GPC5: variants seen among roughly 807,000 people sequenced by gnomAD.
The protein encoded by GPC5 is glypican-5.
Under a neutral mutation model 53.9 loss-of-function variants are expected in GPC5, and 47 were observed. That is an observed-to-expected ratio of 0.87 (90% CI 0.69 to 1.11). The LOEUF (loss-of-function observed/expected upper bound fraction) is 1.11, where lower values mean the gene tolerates loss of function less well. GPC5 is among the 50% of genes most tolerant of loss of function. The probability of loss-of-function intolerance (pLI) is 0.00; values close to 1 mark genes in which losing one functional copy is unlikely to be tolerated. For missense variants in GPC5, 748 were observed against 713.1 expected (o/e 1.05, Z -0.56); for synonymous variants, 286 against 263.3 (o/e 1.09, Z -0.84).
At chr13:91,839,601 T>G (rs2038761523) in intron 5 of GPC5, among the ~76,000 whole-genome samples, 1 of 152,102 alleles carries the variant, frequency 6.6e-6, no homozygotes, top group African/African-American at 2.4e-5. Flanking sequence ...TTCCTGACTA[T>G]AGAGAAAATA....
chr13:92,223,661 T>C (rs1407554279), intron 7 of GPC5, among the ~76,000 whole-genome samples: 1 of 152,124 alleles, frequency 6.6e-6, no homozygotes, highest in Non-Finnish European at 1.5e-5. Flanking sequence ...CTTAGTATAA[T>C]TATGACTCAG....
rs74871167 is a variant in GPC5, at chr13:92,706,998, A to G, written c.1562-159284A>G. Among the ~76,000 whole-genome samples, 493 of 152,226 alleles carry G rather than the reference A, an allele frequency of 3.2e-3. 20 individuals carry two copies. In the East Asian group the frequency reaches 0.088, roughly 27 times the overall value. On this transcript the variant is annotated intron_variant, in intron 7 of 7. Transcript: ENST00000377067. ...GTGAGATCTCTTTCTCTGCATGTAC[A>G]CACCAAGGAAAGGCCATGAGAAGGA...
At position 92,236,093 on chromosome 13, in the gene GPC5, A is replaced by G. The variant is rs149537861; in HGVS notation, c.1561+91104A>G. 3.6e-3 allele frequency among the ~76,000 whole-genome samples: 551 copies of G among 152,182 alleles called. 1 individual carries two copies. The highest frequency in any genetic ancestry group is 6.4e-3 in the Non-Finnish European group (432 of 67,922). ...AAGGTAATATTTATTTTAGTTCTGT[A>G]TTATAACAAGCACCAATTTAATAGA... On this transcript the variant is annotated intron_variant, in intron 7 of 7. Coordinates refer to ENST00000377067, the MANE Select transcript of GPC5 (RefSeq NM_004466.6).
At chr13:92,224,437 C>G (rs1325269769) in intron 7 of GPC5, among the ~76,000 whole-genome samples, 1 of 152,120 alleles carries the variant, frequency 6.6e-6, no homozygotes, top group South Asian at 2.1e-4. Context: ...ATTGTACAAA[C>G]GAGAATTAAC....
chr13:92,221,830 T>G (rs1220336942), intron 7 of GPC5, among the ~76,000 whole-genome samples: 2 of 152,012 alleles, frequency 1.3e-5, no homozygotes, highest in African/African-American at 4.8e-5. Flanking sequence ...AACAATTACG[T>G]TCTTGCTAAT....
intron 6 of GPC5, among the ~76,000 whole-genome samples, chr13:92,050,874 G>A (rs866329355): frequency 1.3e-5 from 2 of 152,144 alleles, no homozygotes; most frequent in Non-Finnish European, 2.9e-5. Context: ...TGCACATGCC[G>A]TTTTTCTCTT....
At chr13:91,405,973 C>T (rs1457150334) in intron 1 of GPC5, among the ~76,000 whole-genome samples, 2 of 152,014 alleles carry the variant, frequency 1.3e-5, no homozygotes, top group African/African-American at 4.8e-5. Context: ...GGTTTTGCCA[C>T]CTTGCGCAGG....
chr13:91,484,981 C>G (rs1371404156), intron 2 of GPC5, among the ~76,000 whole-genome samples: 1 of 152,128 alleles, frequency 6.6e-6, no homozygotes, highest in African/African-American at 2.4e-5. Context: ...GTCTACAGAC[C>G]AGTAAGATGT....
intron 6 of GPC5, among the ~76,000 whole-genome samples, chr13:92,023,421 T>C (rs2040775035): frequency 6.6e-6 from 1 of 152,082 alleles, no homozygotes; most frequent in Non-Finnish European, 1.5e-5. Context: ...TAAAAAGTAA[T>C]GGTCAAATTT....
intron 7 of GPC5, among the ~76,000 whole-genome samples, chr13:92,777,654 T>C (rs1468660492): frequency 6.6e-6 from 1 of 152,184 alleles, no homozygotes; most frequent in Non-Finnish European, 1.5e-5. Context: ...AAGTCTTACC[T>C]CAACTTTTCA....
intron 7 of GPC5, among the ~76,000 whole-genome samples, chr13:92,434,843 A>C (rs1877237231): frequency 6.6e-6 from 1 of 152,202 alleles, no homozygotes; most frequent in East Asian, 1.9e-4. Flanking sequence ...TTATCTTTCA[A>C]GGAGACCATC....
At position 91,540,080 on chromosome 13, in the gene GPC5, C is replaced by A. The variant is rs77143019; in HGVS notation, c.325+91158C>A. Among the ~76,000 whole-genome samples, 538 of 152,202 alleles carry A rather than the reference C, an allele frequency of 3.5e-3. 4 individuals carry two copies. Among genetic ancestry groups the A allele is most frequent in the African/African-American group, 0.012 (517 of 41,526 alleles). ...ATTACATCAGGCTGTATAACAGAAA[C>A]CAAGATTATTCTTTGTCCCTTGTTC... On this transcript the variant is annotated intron_variant, in intron 2 of 7. Transcript: ENST00000377067.
At chr13:92,664,220 A>G (rs1886492833) in intron 7 of GPC5, among the ~76,000 whole-genome samples, 1 of 151,930 alleles carries the variant, frequency 6.6e-6, no homozygotes, top group Non-Finnish European at 1.5e-5. Context: ...ATCAAATACC[A>G]TGGTGAGCAC....
intron 7 of GPC5, among the ~76,000 whole-genome samples, chr13:92,492,082 C>G (rs565810540): frequency 1.3e-5 from 2 of 152,194 alleles, no homozygotes; most frequent in South Asian, 2.1e-4. Flanking sequence ...ACCTCAAAAC[C>G]TTTCATTTTA....
At chr13:92,370,065 G>C (rs933681857) in intron 7 of GPC5, among the ~76,000 whole-genome samples, 2 of 152,152 alleles carry the variant, frequency 1.3e-5, no homozygotes, top group East Asian at 1.9e-4. Flanking sequence ...AGTCAAGGCT[G>C]ATTGGTTTCT....
intron 7 of GPC5, among the ~76,000 whole-genome samples, chr13:92,274,059 G>T (rs1198769049): frequency 6.6e-6 from 1 of 152,088 alleles, no homozygotes; most frequent in Non-Finnish European, 1.5e-5. Flanking sequence ...ACAATGAAGT[G>T]ATTCACTTGA....
intron 7 of GPC5, among the ~76,000 whole-genome samples, chr13:92,233,509 G>A (rs2042546560): frequency 6.6e-6 from 1 of 152,090 alleles, no homozygotes; most frequent in South Asian, 2.1e-4. Flanking sequence ...TACCTCCTTA[G>A]GATCTTTGGC....
intron 5 of GPC5, among the ~76,000 whole-genome samples, chr13:91,835,386 G>A (rs2038711691): frequency 1.3e-5 from 2 of 152,112 alleles, no homozygotes; most frequent in African/African-American, 4.8e-5. Flanking sequence ...CAATTACTGG[G>A]TATATACCCA....
At chr13:92,029,827 T>C (rs1305503124) in intron 6 of GPC5, among the ~76,000 whole-genome samples, 1 of 152,184 alleles carries the variant, frequency 6.6e-6, no homozygotes, top group East Asian at 1.9e-4. Context: ...TCCACAGGGA[T>C]GTAGTAAAAC....
Sources: allele counts gnomAD v4.1 joint callset (sites outside exome capture counted in the v4.1 genomes callset), GRCh38; gene constraint gnomAD v4.1.1; transcripts MANE v1.5; gene names NCBI Gene and HGNC (gene_info 2026-07-23, HGNC 2026-07-21).